Variants in SCARF2 observed in about 807,000 individuals in gnomAD.
SCARF2 encodes the protein scavenger receptor expressed by endothelial cells 2 protein.
A neutral mutation model predicts 73.4 loss-of-function variants in SCARF2; 39 were observed. The observed-to-expected ratio is 0.53, with a 90% CI of 0.41 to 0.69. SCARF2 has a LOEUF of 0.69. SCARF2 is among the 30% of genes least tolerant of loss of function. SCARF2 has a pLI of 0.00. For missense variants in SCARF2, 1,148 were observed against 1,303.5 expected, an observed-to-expected ratio of 0.88 and a Z score of 1.84; for synonymous variants, 605 against 590.0, an observed-to-expected ratio of 1.03 and a Z score of -0.37.
At chr22:20,436,100 A>G (rs575817141) in intron 1 of SCARF2, among the ~76,000 whole-genome samples, 10 of 152,308 alleles carry the variant, frequency 6.6e-5, no homozygotes, top group Non-Finnish European at 1.0e-4. Flanking sequence ...ATCCCATTTT[A>G]CAGAGGTGGA....
chr22:20,430,677 C>G lies in SCARF2; in HGVS notation c.1073+13G>C, dbSNP rs1372400538. On this transcript the variant is annotated intron_variant, in intron 5 of 10. Transcript: ENST00000622235. ...GACTGCGTGTCTGGGCCGACGCAGGCAGGGCTGCTCACCGGTCGCCGATCC... is the reference window on the plus strand; with the variant it reads ...GACTGCGTGTCTGGGCCGACGCAGGGAGGGCTGCTCACCGGTCGCCGATCC... The G allele has an allele frequency of 1.3e-6, 2 of 1,596,420 alleles. No individual in the cohort carries two copies. The highest frequency in any genetic ancestry group is 2.2e-5 in the South Asian group (2 of 89,088).
intron 1 of SCARF2, among the ~76,000 whole-genome samples, chr22:20,435,264 G>T (rs571510407): frequency 4.6e-4 from 70 of 152,276 alleles, no homozygotes; most frequent in East Asian, 2.3e-3. Context: ...GAAAAAAGAC[G>T]CTGAGCTCTA....
intron 1 of SCARF2, 41 bp downstream of exon 1, chr22:20,437,541 G>T (rs1230073854): frequency 3.9e-6 from 6 of 1,546,534 alleles, no homozygotes; most frequent in Non-Finnish European, 5.2e-6. Context: ...ACTGCCCAGA[G>T]CGTCCCTCTC....
At position 20,430,492 on chromosome 22, in the gene SCARF2, C is replaced by T. The variant is rs1394290053; in HGVS notation, c.1139G>A (p.Gly380Asp). The stretch of plus-strand genomic sequence containing the variant: ...CGACTGGAAGTCGCAGTGTCCGCTG[C>T]CGCAGTCGGCGCACACGAAGGCGCA... Reference protein sequence around the residue: ...EDCAFVCADCGSGHCDFQSGR... With the variant: ...EDCAFVCADCDSGHCDFQSGR... The change falls in exon 6 of 11, where the codon GGC (glycine) becomes GAC (aspartate). Residue 380 changes from glycine (G) to aspartate (D), a missense_variant. Physicochemically the swap from Gly to Asp is moderately conservative, Grantham distance 94 (BLOSUM62 -1). Around this residue, in one of 5 missense-constraint regions of SCARF2, gnomAD observed 372 missense variants for 532.0 expected, o/e 0.70. Transcript: ENST00000622235. 4.4e-6 allele frequency: 7 copies of T among 1,600,880 alleles called. No individual in the cohort carries two copies. Among genetic ancestry groups the T allele is most frequent in the Non-Finnish European group, 6.0e-6 (7 of 1,174,584 alleles).
chr22:20,425,276 G>T lies in SCARF2; in HGVS notation c.*99C>A. 1 of 1,067,534 alleles carries T rather than the reference G, an allele frequency of 9.4e-7. No individual in the cohort carries two copies. Among genetic ancestry groups the T allele is most frequent in the Non-Finnish European group, 1.2e-6 (1 of 815,310 alleles). 66.1% of individuals were successfully genotyped at this position (1,067,534 alleles called of 1,614,324 possible). On this transcript the variant is annotated 3_prime_UTR_variant, in exon 11 of 11. Transcript: ENST00000622235. The surrounding 1 kb of genome is among the most constrained non-coding windows in gnomAD (Gnocchi z 4.6). The stretch of plus-strand genomic sequence containing the variant: ...ACCTCCGCTAGCCGCGCGGTGCCCG[G>T]CCAATAGGAGGCCGCCCGTGCCCGG...
chr22:20,426,074 G>T lies in SCARF2; in HGVS notation c.1902C>A (p.Ala634=). 6.5e-7 allele frequency: 1 copy of T among 1,537,738 alleles called. No homozygotes were observed. The part of the protein sequence containing the change: ...ARVARREARP[A]RARGEIGGLS... ...GGCCCCCAATCTCGCCCCGGGCCCGGGCCGGCCGGGCCTCGCGTCGGGCCA... is the reference window on the plus strand; with the variant it reads ...GGCCCCCAATCTCGCCCCGGGCCCGTGCCGGCCGGGCCTCGCGTCGGGCCA... Residue 634 remains alanine, a synonymous_variant, in exon 11 of 11, where the codon GCC becomes GCA. Coordinates refer to ENST00000622235, the MANE Select transcript of SCARF2 (RefSeq NM_182895.5).
In SCARF2 at chr22:20,425,424, C is replaced by T; in HGVS notation, c.2552G>A (p.Ser851Asn). The T allele has an allele frequency of 1.4e-6, 2 of 1,432,762 alleles. No homozygotes were observed. The highest frequency in any genetic ancestry group is 1.5e-5 in the African/African-American group (1 of 68,320). The allele number at this position is 1,432,762 out of a possible 1,614,324, so 88.8% of individuals were successfully genotyped here. The change falls in exon 11 of 11, where the codon AGC becomes AAC. Residue 851 changes from serine to asparagine, a missense_variant. Around this residue, in one of 5 missense-constraint regions of SCARF2, gnomAD observed 169 missense variants for 136.9 expected, o/e 1.23. Coordinates refer to ENST00000622235, the MANE Select transcript of SCARF2 (RefSeq NM_182895.5). This position sits in a 1 kb window ranked among gnomAD's most constrained non-coding sequence, Gnocchi z 4.6. ...TPIQKPPRKK[S>N]REAAGELGRA... Reference sequence around the variant, plus strand: ...GCCCAGCTCGCCCGCCGCCTCCCGGCTCTTCTTGCGCGGCGGCTTCTGGAT... The same window carrying T: ...GCCCAGCTCGCCCGCCGCCTCCCGGTTCTTCTTGCGCGGCGGCTTCTGGAT...
chr22:20,432,722 T>C (rs577144047), intron 1 of SCARF2, among the ~76,000 whole-genome samples: 20 of 152,304 alleles, frequency 1.3e-4, no homozygotes, highest in African/African-American at 4.8e-4. Context: ...TGTTTATGCC[T>C]TTGTTGTTGG....
chr22:20,434,616 G>T lies in SCARF2; in HGVS notation c.174-2628C>A, dbSNP rs553813918. Among the ~76,000 whole-genome samples the T allele has an allele frequency of 5.3e-5, 8 of 152,356 alleles. No homozygotes were observed. In the East Asian group the frequency reaches 1.5e-3, roughly 29 times the overall value. On this transcript the variant is annotated intron_variant, in intron 1 of 10. Transcript: ENST00000622235. Reference sequence around the variant, plus strand: ...CTCTCTGAAGATCTTACAAAGACGGGTGGGGAAAGATGGCCTGCTGCAGGG... The same window carrying T: ...CTCTCTGAAGATCTTACAAAGACGGTTGGGGAAAGATGGCCTGCTGCAGGG...
At position 20,429,955 on chromosome 22, in the gene SCARF2, C is replaced by T. The variant is rs1423641042; in HGVS notation, c.1203-122G>A. 3.2e-6 allele frequency: 3 copies of T among 941,482 alleles called. No homozygotes were observed. Among genetic ancestry groups the T allele is most frequent in the Non-Finnish European group, 4.8e-6 (3 of 622,752 alleles). 58.3% of individuals were successfully genotyped at this position (941,482 alleles called of 1,614,324 possible). ...CCCAGAACCGGGCTCTCTCTCGCTG[C>T]ATTCGTCGTCTAGGGATTGAAGCCC... On this transcript the variant is annotated intron_variant, in intron 6 of 10. Coordinates refer to ENST00000622235, the MANE Select transcript of SCARF2 (RefSeq NM_182895.5). This position sits in a 1 kb window ranked among gnomAD's most constrained non-coding sequence, Gnocchi z 5.2.
In SCARF2 at chr22:20,437,610, G is replaced by T. The variant is rs1263267535; in HGVS notation, c.145C>A (p.Arg49Ser). Residue 49 changes from arginine (R) to serine (S), a missense_variant, in exon 1 of 11, where the codon CGC becomes AGC. Around this residue, in one of 5 missense-constraint regions of SCARF2, gnomAD observed 124 missense variants for 120.4 expected, o/e 1.03. Coordinates refer to ENST00000622235, the MANE Select transcript of SCARF2 (RefSeq NM_182895.5). ...GGAGCACGGCACACGTTGCGGCCGC[G>T]AGGGTTCAGTTCCTGAGGCGCCACG... ...DTVAPQELNP[R>S]GRNVCRAPGS... 3 of 1,572,090 alleles carry T rather than the reference G, an allele frequency of 1.9e-6. No homozygotes were observed. Among genetic ancestry groups the T allele is most frequent in the Non-Finnish European group, 8.6e-7 (1 of 1,166,376 alleles).
Position 20,429,099 on chromosome 22 carries a change from C to G in SCARF2, c.1540+126G>C, listed in dbSNP as rs1186224696. On this transcript the variant is annotated intron_variant, in intron 9 of 10. Transcript: ENST00000622235. This position sits in a 1 kb window ranked among gnomAD's most constrained non-coding sequence, Gnocchi z 5.2. ...TCCCTCTGGTCGCACCTCCTCGCGC[C>G]CACGCACATCAACACTCAAGGTCCC... 7.7e-7 allele frequency: 1 copy of G among 1,296,866 alleles called. No individual in the cohort carries two copies. The highest frequency in any genetic ancestry group is 1.1e-6 in the Non-Finnish European group (1 of 906,142). The allele number at this position is 1,296,866 out of a possible 1,614,324, so 80.3% of individuals were successfully genotyped here.
rs749325135 is a variant in SCARF2, at chr22:20,425,536, G to A, written c.2440C>T (p.Arg814Cys). Residue 814 changes from arginine to cysteine, a missense_variant, in exon 11 of 11, where the codon CGC becomes TGC. By Grantham distance (180) the Arg-to-Cys change is radical (BLOSUM62 -3). Transcript: ENST00000622235. This position sits in a 1 kb window ranked among gnomAD's most constrained non-coding sequence, Gnocchi z 4.6. Reference protein sequence around the residue: ...KRSVPPASPARAPPATETPGP... With the variant: ...KRSVPPASPACAPPATETPGP... ...GGGGTTTCGGTCGCTGGGGGCGCGC[G>A]GGCGGGCGAGGCTGGCGGCACGGAG... 12 of 1,341,824 alleles carry A rather than the reference G, an allele frequency of 8.9e-6. No homozygotes were observed. Among genetic ancestry groups the A allele is most frequent in the East Asian group, 3.0e-5 (1 of 33,430 alleles). The allele number at this position is 1,341,824 out of a possible 1,614,324, so 83.1% of individuals were successfully genotyped here. A position where few individuals can be genotyped will look rare whatever the true frequency, so the allele number is the denominator to read the frequency against.
chr22:20,437,462 C>A, intron 1 of SCARF2, 120 bp downstream of exon 1: 1 of 1,095,826 alleles, frequency 9.1e-7, no homozygotes, highest in Non-Finnish European at 1.3e-6. Context: ...GGCTAGGGAG[C>A]CGAAGGGGCC....
chr22:20,434,869 C>T (rs2052682896), intron 1 of SCARF2, among the ~76,000 whole-genome samples: 1 of 152,184 alleles, frequency 6.6e-6, no homozygotes, highest in Non-Finnish European at 1.5e-5. Flanking sequence ...CTGCCTGCCA[C>T]ACCCTTCAGA....
In SCARF2 at chr22:20,429,441, C is replaced by T; in HGVS notation, c.1424+95G>A. 6.4e-7 allele frequency: 1 copy of T among 1,567,848 alleles called. No individual in the cohort carries two copies. Among genetic ancestry groups the T allele is most frequent in the South Asian group, 1.1e-5 (1 of 87,398 alleles). ...AGCACAGAAGGGGCGGGGCCACGTC[C>T]GGGGCAGGGGCGCGGAAGGGTTGGA... On this transcript the variant is annotated intron_variant, in intron 8 of 10. Transcript: ENST00000622235. The surrounding 1 kb of genome is among the most constrained non-coding windows in gnomAD (Gnocchi z 5.2).
rs1175928467 is a variant in SCARF2, at chr22:20,429,887, T to C, written c.1203-54A>G. ...ACAGCCGCCCCCCTAGGATGCCCCCTACCCTCACCCCTCACCCGCGGCCAG... is the reference window on the plus strand; with the variant it reads ...ACAGCCGCCCCCCTAGGATGCCCCCCACCCTCACCCCTCACCCGCGGCCAG... On this transcript the variant is annotated intron_variant, in intron 6 of 10. Transcript: ENST00000622235. The surrounding 1 kb of genome is among the most constrained non-coding windows in gnomAD (Gnocchi z 5.2). 1 of 1,555,974 alleles carries C rather than the reference T, an allele frequency of 6.4e-7. No individual in the cohort carries two copies. The highest frequency in any genetic ancestry group is 1.4e-5 in the African/African-American group (1 of 73,502).
In SCARF2 at chr22:20,431,307, C is replaced by A; in HGVS notation, c.565G>T (p.Ala189Ser). 6.6e-7 allele frequency: 1 copy of A among 1,520,668 alleles called. No homozygotes were observed. The highest frequency in any genetic ancestry group is 2.6e-5 in the East Asian group (1 of 38,930). The allele number at this position is 1,520,668 out of a possible 1,614,324, so 94.2% of individuals were successfully genotyped here. The change falls in exon 4 of 11, where the codon GCC becomes TCC. Residue 189 changes from alanine to serine, a missense_variant. Physicochemically the swap from Ala to Ser is moderately conservative, Grantham distance 99. Coordinates refer to ENST00000622235, the MANE Select transcript of SCARF2 (RefSeq NM_182895.5). Reference protein sequence around the residue: ...AQCASACYCSATSRCDPQTGA... With the variant: ...AQCASACYCSSTSRCDPQTGA... Reference sequence around the variant, plus strand: ...GTCTGTGGGTCGCAGCGCGACGTGGCGCTGCAGTAGCACGCGCTGGCGCAC... The same window carrying A: ...GTCTGTGGGTCGCAGCGCGACGTGGAGCTGCAGTAGCACGCGCTGGCGCAC...
At chr22:20,428,234 C>CCCTT (rs1206794692) in intron 9 of SCARF2, among the ~76,000 whole-genome samples, 2 of 134,564 alleles carry the variant, frequency 1.5e-5, no homozygotes, top group Admixed American at 8.5e-5. Flanking sequence ...CTCCCTCCCT[C>CCCTT]CCTTCCTTCT....
Sources: gnomAD v4.1 joint callset for allele counts (sites outside exome capture counted in the v4.1 genomes callset) on GRCh38, gnomAD v4.1.1 for gene constraint, gnomAD v4.1.1 regional missense constraint, Gnocchi (gnomAD v3.1) non-coding constraint, MANE v1.5 for transcripts, NCBI Gene and HGNC (gene_info 2026-07-23, HGNC 2026-07-21) for gene names.